RAB3GAP1: variants seen among roughly 807,000 people sequenced by gnomAD.
The protein encoded by RAB3GAP1 is RAB3 GTPase activating protein catalytic subunit 1.
In RAB3GAP1, 86 loss-of-function variants were observed where a neutral mutation model predicts 130.7. The observed-to-expected ratio is 0.66, with a 90% CI of 0.55 to 0.79. RAB3GAP1 has a LOEUF of 0.79. Among genes scored for constraint, RAB3GAP1 ranks in the 30% least tolerant of loss-of-function variants. The pLI, the probability that RAB3GAP1 is intolerant of heterozygous loss-of-function variation, is 0.00. For synonymous variants in RAB3GAP1, 367 were observed against 401.7 expected, an observed-to-expected ratio of 0.91 and a Z score of 1.03; for missense variants, 1,029 against 1,169.4, an observed-to-expected ratio of 0.88 and a Z score of 1.75.
chr2:135,155,737 A>G (rs1427476027), intron 19 of RAB3GAP1, among the ~76,000 whole-genome samples: 2 of 152,218 alleles, frequency 1.3e-5, no homozygotes, highest in South Asian at 4.1e-4. Flanking sequence ...AGGAACTTTC[A>G]TAGCCCTGTA....
intron 17 of RAB3GAP1, among the ~76,000 whole-genome samples, chr2:135,145,997 T>A (rs1691978920): frequency 6.6e-6 from 1 of 152,196 alleles, no homozygotes; most frequent in South Asian, 2.1e-4. Flanking sequence ...CTGTTAACTT[T>A]ATTATCCATG....
chr2:135,064,743 C>T (rs1429384779), intron 3 of RAB3GAP1, among the ~76,000 whole-genome samples: 3 of 135,970 alleles, frequency 2.2e-5, no homozygotes, highest in African/African-American at 8.2e-5. Flanking sequence ...TGTTTTTTTC[C>T]TGAGGTGTTT....
intron 5 of RAB3GAP1, among the ~76,000 whole-genome samples, chr2:135,107,312 A>G (rs997815198): frequency 2.6e-5 from 4 of 152,152 alleles, no homozygotes; most frequent in African/African-American, 9.7e-5. Context: ...CAATAAATAT[A>G]TTCTCATAAT....
intron 17 of RAB3GAP1, among the ~76,000 whole-genome samples, chr2:135,149,638 C>T (rs1336454357): frequency 1.3e-5 from 2 of 152,112 alleles, no homozygotes; most frequent in Non-Finnish European, 1.5e-5. Context: ...GTTTTATAAC[C>T]AGAGATGATC....
chr2:135,063,131 T>G (rs370367724), intron 3 of RAB3GAP1, among the ~76,000 whole-genome samples: 3 of 152,216 alleles, frequency 2.0e-5, no homozygotes, highest in African/African-American at 7.2e-5. Flanking sequence ...TTAAGTTAAC[T>G]GTAGGTTTTT....
rs375362131 is a variant in RAB3GAP1 at position 135,114,005 on chromosome 2, C to A, written c.482+735C>A. Among the ~76,000 whole-genome samples, 6 of 152,294 alleles carry A rather than the reference C, an allele frequency of 3.9e-5. No individual in the cohort carries two copies. In the East Asian group the frequency reaches 1.2e-3, roughly 29 times the overall value. On this transcript the variant is annotated intron_variant, in intron 6 of 23. Coordinates refer to ENST00000264158, the MANE Select transcript of RAB3GAP1 (RefSeq NM_012233.3). ...CCTCAGATGATCCGCCCGCCGCGGC[C>A]TTCCAGAATGCTAGGATTATAGGTG...
At chr2:135,054,901 AT>A (rs907494000) in intron 2 of RAB3GAP1, among the ~76,000 whole-genome samples, 12 of 152,354 alleles carry the variant, frequency 7.9e-5, no homozygotes, top group African/African-American at 2.6e-4. Context: ...CTTGAGTTTA[AT>A]TTTAAATGAA....
Position 135,058,080 on chromosome 2 carries a change from C to T in RAB3GAP1, c.144C>T (p.Leu48=), listed in dbSNP as rs568229019. 102 of 1,608,766 alleles carry T rather than the reference C, an allele frequency of 6.3e-5. 1 individual carries two copies. Among genetic ancestry groups the T allele is most frequent in the Middle Eastern group, 3.3e-4 (2 of 6,050 alleles). ...TTGGAAACTCTTTGGGAAAGCCACT[C>T]GAAAAGGTCAGATCTATTTGCTGGT... ...KLIGNSLGKP[L]EKGIFTSGTW... The change falls in exon 3 of 24, where the codon CTC becomes CTT. Residue 48 remains leucine, a synonymous_variant. Coordinates refer to ENST00000264158, the MANE Select transcript of RAB3GAP1 (RefSeq NM_012233.3).
rs182541151 is a variant in RAB3GAP1 at position 135,170,253 on chromosome 2, G to C, written c.*1472G>C. The C allele has an allele frequency of 6.6e-6, 1 of 152,124 alleles. No individual in the cohort carries two copies. The highest frequency in any genetic ancestry group is 6.5e-5 in the Admixed American group (1 of 15,294). The allele number at this position is 152,124 out of a possible 1,614,324, so 9.4% of individuals were successfully genotyped here. On this transcript the variant is annotated 3_prime_UTR_variant, in exon 24 of 24. Coordinates refer to ENST00000264158, the MANE Select transcript of RAB3GAP1 (RefSeq NM_012233.3). ...AAAGGAGAGGTTGGGCGTTACAAAGGCATTGTGAATCTAATAAAAGGAAAG... is the reference window on the plus strand; with the variant it reads ...AAAGGAGAGGTTGGGCGTTACAAAGCCATTGTGAATCTAATAAAAGGAAAG...
chr2:135,165,997 C>A (rs1298637939), intron 23 of RAB3GAP1, among the ~76,000 whole-genome samples: 2 of 151,982 alleles, frequency 1.3e-5, no homozygotes, highest in African/African-American at 2.4e-5. Context: ...TGTGGTGAAA[C>A]CCTTTCTCTA....
At chr2:135,139,485 G>A (rs1691775839) in intron 17 of RAB3GAP1, among the ~76,000 whole-genome samples, 1 of 150,964 alleles carries the variant, frequency 6.6e-6, no homozygotes, top group African/African-American at 2.4e-5. Context: ...AGGTTGCAGT[G>A]AACTATGATT....
intron 3 of RAB3GAP1, among the ~76,000 whole-genome samples, chr2:135,081,306 CAAAAA>C (rs1169138978): frequency 1.2e-3 from 16 of 13,206 alleles, no homozygotes; most frequent in African/African-American, 4.0e-3. Flanking sequence ...GACTCCGTCT[CAAAAA>C]AAAAAAAAAA....
intron 7 of RAB3GAP1, among the ~76,000 whole-genome samples, chr2:135,118,690 G>T (rs1691101476): frequency 6.6e-6 from 1 of 152,078 alleles, no homozygotes; most frequent in Non-Finnish European, 1.5e-5. Flanking sequence ...CTCCCTACCT[G>T]CAGAATATTT....
At position 135,170,673 on chromosome 2, in the gene RAB3GAP1, T is replaced by C; in HGVS notation, c.*1892T>C. On this transcript the variant is annotated 3_prime_UTR_variant, in exon 24 of 24. Transcript: ENST00000264158. ...ATGTAATCCTACATTCATGTATTCA[T>C]TGGCAGTACGGAGTAATAAATGCAG... 6.6e-6 allele frequency: 1 copy of C among 152,170 alleles called. No homozygotes were observed. The highest frequency in any genetic ancestry group is 1.9e-4 in the East Asian group (1 of 5,186). The allele number at this position is 152,170 out of a possible 1,614,324, so 9.4% of individuals were successfully genotyped here.
At chr2:135,052,403 C>CT in intron 1 of RAB3GAP1, 27 bp from the exon 2 acceptor site, 1 of 1,614,126 alleles carries the variant, frequency 6.2e-7, no homozygotes, top group Non-Finnish European at 8.5e-7. Context: ...GGCTTAATTT[C>CT]TTTTTCTCTC....
At chr2:135,097,845 A>G (rs1251947448) in intron 5 of RAB3GAP1, among the ~76,000 whole-genome samples, 1 of 152,218 alleles carries the variant, frequency 6.6e-6, no homozygotes, top group Non-Finnish European at 1.5e-5. Flanking sequence ...TATACTATAA[A>G]TATTTGTATA....
chr2:135,167,883 T>C lies in RAB3GAP1; in HGVS notation c.2710-662T>C, dbSNP rs111630492. ...TTTCCATTGCCAAAACAATTTTTTT[T>C]CCCAAATTGATGGTATTAAAAAAAG... On this transcript the variant is annotated intron_variant, in intron 23 of 23. Coordinates refer to ENST00000264158, the MANE Select transcript of RAB3GAP1 (RefSeq NM_012233.3). Among the ~76,000 whole-genome samples, 477 of 152,254 alleles carry C rather than the reference T, an allele frequency of 3.1e-3. 3 individuals carry two copies. The highest frequency in any genetic ancestry group is 0.011 in the African/African-American group (446 of 41,530).
chr2:135,167,951 C>G (rs1321814094), intron 23 of RAB3GAP1, among the ~76,000 whole-genome samples: 1 of 152,108 alleles, frequency 6.6e-6, no homozygotes, highest in Non-Finnish European at 1.5e-5. Context: ...AATGAACATG[C>G]ATTTTATGTC....
At chr2:135,117,558 G>GCTTCTT (rs1484152024) in intron 7 of RAB3GAP1, among the ~76,000 whole-genome samples, 4 of 19,220 alleles carry the variant, frequency 2.1e-4, no homozygotes, top group South Asian at 2.0e-3. Flanking sequence ...TTCTTCTTCT[G>GCTTCTT]CTTCTTCTTC....
Sources: gnomAD v4.1 joint callset for allele counts (sites outside exome capture counted in the v4.1 genomes callset) on GRCh38, gnomAD v4.1.1 for gene constraint, MANE v1.5 for transcripts, NCBI Gene and HGNC (gene_info 2026-07-23, HGNC 2026-07-21) for gene names.